The following PRELID2 variants were observed in gnomAD, a reference collection of about 807,000 sequenced individuals.
PRELID2 encodes the protein PRELI domain containing 2, also known as PRELI domain-containing protein 2.
PRELID2 carries 25 observed loss-of-function variants against 28.4 expected under a neutral mutation model. The observed-to-expected ratio is 0.88, with a 90% CI of 0.64 to 1.23. PRELID2 has a LOEUF of 1.23. Ranked by LOEUF, PRELID2 falls within the 50% of genes most tolerant of loss-of-function variation. The probability of loss-of-function intolerance (pLI) is 0.00; values close to 1 mark genes in which losing one functional copy is unlikely to be tolerated. For missense variants in PRELID2, 201 were observed against 214.4 expected, an observed-to-expected ratio of 0.94 and a Z score of 0.39; for synonymous variants, 76 against 71.6, an observed-to-expected ratio of 1.06 and a Z score of -0.31.
chr5:145,746,496 A>G (rs551704279), intron 1 of PRELID2, among the ~76,000 whole-genome samples: 5 of 152,320 alleles, frequency 3.3e-5, no homozygotes, highest in Admixed American at 3.3e-4. Flanking sequence ...CTAAATATAT[A>G]TATGTACCCA....
At chr5:145,234,692 T>C in the PRELID2 span, among the ~76,000 whole-genome samples, 1 of 152,164 alleles carries the variant, frequency 6.6e-6, no homozygotes, top group African/African-American at 2.4e-5. Context: ...CATGAATACT[T>C]ACTGAAGACC....
At chr5:145,366,875 G>A in the PRELID2 span, among the ~76,000 whole-genome samples, 1 of 151,828 alleles carries the variant, frequency 6.6e-6, no homozygotes, top group Non-Finnish European at 1.5e-5. Flanking sequence ...TCCTGCCATT[G>A]TTTGCTCTTC....
chr5:145,714,644 G>C (rs1006312456), intron 1 of PRELID2, among the ~76,000 whole-genome samples: 1 of 152,038 alleles, frequency 6.6e-6, no homozygotes, highest in Non-Finnish European at 1.5e-5. Context: ...GATCTTTGAA[G>C]TTCAAATTCA....
chr5:145,620,128 A>G (rs1753753841), intron 1 of PRELID2, among the ~76,000 whole-genome samples: 2 of 152,220 alleles, frequency 1.3e-5, no homozygotes, highest in Non-Finnish European at 1.5e-5. Flanking sequence ...GAACACATTC[A>G]TATTATCCAT....
At position 145,756,792 on chromosome 5, in the gene PRELID2, T is replaced by C. The variant is rs989732547; in HGVS notation, c.*3744A>G. Among the ~76,000 whole-genome samples, 2 of 152,112 alleles carry C rather than the reference T, an allele frequency of 1.3e-5. No individual in the cohort carries two copies. The highest frequency in any genetic ancestry group is 2.9e-5 in the Non-Finnish European group (2 of 68,004). On this transcript the variant is annotated 3_prime_UTR_variant, in exon 7 of 7. Coordinates refer to ENST00000683046, the MANE Select transcript of PRELID2 (RefSeq NM_205846.3). ...CAACATATAGTATGCAGTTACACAA[T>C]TTCCCAACCCCAGGGCAAATTAGAG...
chr5:145,595,161 G>C (rs1398245072), intron 1 of PRELID2, among the ~76,000 whole-genome samples: 1 of 131,250 alleles, frequency 7.6e-6, no homozygotes, highest in East Asian at 2.3e-4. Flanking sequence ...AGTCATAATA[G>C]ACACACACAC....
At chr5:145,303,746 C>A in the PRELID2 span, among the ~76,000 whole-genome samples, 1 of 152,158 alleles carries the variant, frequency 6.6e-6, no homozygotes, top group Admixed American at 6.5e-5. Context: ...TATAACAGCA[C>A]CAAGTTGAAG....
At chr5:145,350,694 T>C in the PRELID2 span, among the ~76,000 whole-genome samples, 1 of 152,176 alleles carries the variant, frequency 6.6e-6, no homozygotes, top group African/African-American at 2.4e-5. Context: ...ATACTCACAA[T>C]GAATCAGAGT....
At chr5:145,676,184 C>T (rs1372592090) in intron 1 of PRELID2, among the ~76,000 whole-genome samples, 1 of 144,028 alleles carries the variant, frequency 6.9e-6, no homozygotes, top group African/African-American at 2.6e-5. Flanking sequence ...CGCACCATTG[C>T]ACTCCACCCT....
At chr5:145,252,167 C>A in the PRELID2 span, among the ~76,000 whole-genome samples, 143 of 152,272 alleles carry the variant, frequency 9.4e-4, no homozygotes, top group Non-Finnish European at 1.7e-3. Context: ...CCACTCTAAA[C>A]ATCCTGAATC....
chr5:145,467,652 ATG>A (rs1476680120), downstream of PRELID2, among the ~76,000 whole-genome samples: 3 of 152,016 alleles, frequency 2.0e-5, no homozygotes, highest in Non-Finnish European at 4.4e-5. Flanking sequence ...GATAAGTCTG[ATG>A]ACAAAGCACT....
At chr5:145,529,929 T>C (rs565828097) in intron 1 of PRELID2, among the ~76,000 whole-genome samples, 8 of 152,316 alleles carry the variant, frequency 5.3e-5, no homozygotes, top group African/African-American at 1.9e-4. Flanking sequence ...GATGACCATT[T>C]ATTTCAATCT....
Position 145,817,986 on chromosome 5 carries a change from G to A in PRELID2, c.276C>T (p.Asn92=), listed in dbSNP as rs1754491175. 1 of 1,612,354 alleles carries A rather than the reference G, an allele frequency of 6.2e-7. No individual in the cohort carries two copies. The highest frequency in any genetic ancestry group is 1.3e-5 in the African/African-American group (1 of 74,776). The change falls in exon 4 of 7, where the codon AAC becomes AAT. Residue 92 remains asparagine (N), a synonymous_variant. Transcript: ENST00000683046. The part of the protein sequence containing the change: ...EESWLNPRER[N]MAIRSHCLTW... ...TAAGGCAGTGACTCCGTATGGCCATGTTTCTTTCCCGAGGATTGAGCCATG... is the reference window on the plus strand; with the variant it reads ...TAAGGCAGTGACTCCGTATGGCCATATTTCTTTCCCGAGGATTGAGCCATG...
chr5:145,345,400 C>T, the PRELID2 span, among the ~76,000 whole-genome samples: 1 of 151,808 alleles, frequency 6.6e-6, no homozygotes, highest in East Asian at 2.0e-4. Context: ...ACTCCAAACT[C>T]ACCTATAATT....
chr5:145,742,294 A>G (rs1265819591), intron 1 of PRELID2, among the ~76,000 whole-genome samples: 1 of 129,924 alleles, frequency 7.7e-6, no homozygotes, highest in Non-Finnish European at 1.6e-5. Context: ...ATATTTTTAT[A>G]TAAATATTTA....
chr5:145,546,232 A>C (rs886873597), intron 1 of PRELID2, among the ~76,000 whole-genome samples: 4 of 152,212 alleles, frequency 2.6e-5, no homozygotes, highest in African/African-American at 9.6e-5. Flanking sequence ...CAAGAGAAAA[A>C]AATGATTTCT....
chr5:145,286,724 G>T, the PRELID2 span, among the ~76,000 whole-genome samples: 1,249 of 114,212 alleles, frequency 0.011, 21 homozygotes, highest in East Asian at 0.047. Context: ...TTGTTTGTTT[G>T]TTTTTTTTTT....
intron 1 of PRELID2, among the ~76,000 whole-genome samples, chr5:145,500,336 C>T (rs1406224619): frequency 1.3e-5 from 2 of 152,104 alleles, no homozygotes; most frequent in African/African-American, 4.8e-5. Flanking sequence ...TAAGACGTGC[C>T]TCCTTCCCCT....
chr5:145,339,643 C>CTATA, the PRELID2 span, among the ~76,000 whole-genome samples: 1 of 152,134 alleles, frequency 6.6e-6, no homozygotes, highest in South Asian at 2.1e-4. Flanking sequence ...AGATGAGAAG[C>CTATA]TATACATTCC....
Sources: gnomAD v4.1 joint callset for allele counts (sites outside exome capture counted in the v4.1 genomes callset) on GRCh38, gnomAD v4.1.1 for gene constraint, MANE v1.5 for transcripts, NCBI Gene and HGNC (gene_info 2026-07-23, HGNC 2026-07-21) for gene names.